The following CTNNA3 variants were observed in gnomAD, a reference collection of about 807,000 sequenced individuals.
CTNNA3 encodes the protein catenin alpha 3, also known as catenin alpha-3.
Under a neutral mutation model 95.7 loss-of-function variants are expected in CTNNA3, and 76 were observed. The ratio of observed to expected loss-of-function variants is 0.79; its 90% confidence interval spans 0.66 to 0.96. CTNNA3 has a LOEUF of 0.96. Among genes scored for constraint, CTNNA3 ranks in the 40% least tolerant of loss-of-function variants. The pLI, the probability that CTNNA3 is intolerant of heterozygous loss-of-function variation, is 0.00. For missense variants in CTNNA3, 1,191 were observed against 1,089.8 expected, an observed-to-expected ratio of 1.09 and a Z score of -1.31; for synonymous variants, 431 against 374.4, an observed-to-expected ratio of 1.15 and a Z score of -1.74.
At chr10:67,598,744 G>A (rs1473340781) in intron 3 of CTNNA3, among the ~76,000 whole-genome samples, 3 of 152,128 alleles carry the variant, frequency 2.0e-5, no homozygotes, top group Non-Finnish European at 2.9e-5. Context: ...GCATAGGGCA[G>A]TTAGAACTCA....
intron 17 of CTNNA3, among the ~76,000 whole-genome samples, chr10:65,948,390 TAGAA>T (rs2077557798): frequency 6.6e-6 from 1 of 151,576 alleles, no homozygotes; most frequent in African/African-American, 2.4e-5. Flanking sequence ...AATATATACA[TAGAA>T]AGAGTATAGA....
chr10:67,265,313 T>A (rs761827463), intron 5 of CTNNA3, among the ~76,000 whole-genome samples: 4 of 152,168 alleles, frequency 2.6e-5, no homozygotes, highest in Admixed American at 6.5e-5. Context: ...TTGATTATAC[T>A]TTTTTTATAT....
At chr10:67,709,828 A>T (rs1841097127) in intron 1 of CTNNA3, among the ~76,000 whole-genome samples, 1 of 152,130 alleles carries the variant, frequency 6.6e-6, no homozygotes, top group African/African-American at 2.4e-5. Flanking sequence ...CTGTATTGAG[A>T]GTTGAGCACA....
intron 13 of CTNNA3, among the ~76,000 whole-genome samples, chr10:66,279,492 G>A (rs748616411): frequency 2.6e-5 from 4 of 152,006 alleles, no homozygotes; most frequent in South Asian, 4.2e-4. Flanking sequence ...TGAGGTTCAG[G>A]TGACACCTCT....
Position 65,996,613 on chromosome 10 carries a change from G to A in CTNNA3, c.2160-7816C>T, listed in dbSNP as rs560261241. 1.4e-4 allele frequency among the ~76,000 whole-genome samples: 21 copies of A among 152,252 alleles called. No homozygotes were observed. In the East Asian group the frequency reaches 4.1e-3, roughly 29 times the overall value. On this transcript the variant is annotated intron_variant, in intron 15 of 17. Coordinates refer to ENST00000433211, the MANE Select transcript of CTNNA3 (RefSeq NM_013266.4). ...CCAGCATAAGCTACCTATCTGGAGCGACGCCATTACACACTATCCAGGCTG... is the reference window on the plus strand; with the variant it reads ...CCAGCATAAGCTACCTATCTGGAGCAACGCCATTACACACTATCCAGGCTG...
In CTNNA3 at chr10:66,626,353, A is replaced by G. The variant is rs1844934058; in HGVS notation, c.1282-4569T>C. On this transcript the variant is annotated intron_variant, in intron 9 of 17. Transcript: ENST00000433211. ...CTGAGATTTTCATTGTCACACATTC[A>G]TTGTTTATATATTGTTCATATAGTT... 2.0e-5 allele frequency among the ~76,000 whole-genome samples: 3 copies of G among 148,602 alleles called. No homozygotes were observed. In the South Asian group the frequency reaches 6.7e-4, roughly 33 times the overall value.
At chr10:66,132,800 C>CA (rs1231448249) in intron 13 of CTNNA3, among the ~76,000 whole-genome samples, 2 of 151,952 alleles carry the variant, frequency 1.3e-5, no homozygotes, top group Non-Finnish European at 2.9e-5. Context: ...ATGCAGGAAC[C>CA]AAAAACCAAA....
At chr10:67,130,612 TG>T (rs1859949309) in intron 7 of CTNNA3, among the ~76,000 whole-genome samples, 1 of 152,130 alleles carries the variant, frequency 6.6e-6, no homozygotes, top group African/African-American at 2.4e-5. Flanking sequence ...CCTAACGATT[TG>T]TTGAAGAGAT....
At chr10:67,109,911 G>A (rs896272725) in intron 7 of CTNNA3, among the ~76,000 whole-genome samples, 17 of 152,232 alleles carry the variant, frequency 1.1e-4, no homozygotes, top group African/African-American at 3.9e-4. Context: ...GTATTAACTC[G>A]AAGAAAGTTA....
chr10:67,648,453 T>C (rs1418685986), intron 1 of CTNNA3, among the ~76,000 whole-genome samples: 1 of 152,204 alleles, frequency 6.6e-6, no homozygotes, highest in African/African-American at 2.4e-5. Context: ...TTTCTCTTAT[T>C]GAAAATAACC....
intron 14 of CTNNA3, among the ~76,000 whole-genome samples, chr10:66,084,357 C>T (rs2080896927): frequency 6.6e-6 from 1 of 151,760 alleles, no homozygotes; most frequent in Non-Finnish European, 1.5e-5. Flanking sequence ...TCCATAAATA[C>T]ATACACCTAT....
intron 9 of CTNNA3, among the ~76,000 whole-genome samples, chr10:66,760,960 T>C (rs1839577227): frequency 6.6e-6 from 1 of 152,154 alleles, no homozygotes; most frequent in Non-Finnish European, 1.5e-5. Context: ...GTGTTAAGTA[T>C]GGGTTTGTTC....
chr10:65,983,145 A>G (rs966616734), intron 16 of CTNNA3, among the ~76,000 whole-genome samples: 4 of 151,672 alleles, frequency 2.6e-5, no homozygotes, highest in African/African-American at 9.7e-5. Context: ...ATTTAACACT[A>G]AAAGTTCGTT....
intron 10 of CTNNA3, among the ~76,000 whole-genome samples, chr10:66,597,532 A>ATATG (rs1331590209): frequency 7.9e-6 from 1 of 126,124 alleles, no homozygotes; most frequent in Non-Finnish European, 1.7e-5. Context: ...ATATATATAT[A>ATATG]TATATATATA....
At chr10:66,214,315 A>G (rs2088370538) in intron 13 of CTNNA3, among the ~76,000 whole-genome samples, 1 of 152,220 alleles carries the variant, frequency 6.6e-6, no homozygotes, top group African/African-American at 2.4e-5. Flanking sequence ...GCAGAGGGTT[A>G]CATCTCCACC....
chr10:65,969,830 C>A (rs1429251308), intron 16 of CTNNA3, among the ~76,000 whole-genome samples: 2 of 151,962 alleles, frequency 1.3e-5, no homozygotes, highest in African/African-American at 4.8e-5. Flanking sequence ...AAAAAGATAA[C>A]AACCTAGAAA....
rs1184812625 is a variant in CTNNA3, at chr10:66,400,984, T to TGAAAAGACC, written c.1532-21641_1532-21633dup. 2.6e-5 allele frequency among the ~76,000 whole-genome samples: 4 copies of TGAAAAGACC among 152,080 alleles called. No individual in the cohort carries two copies. The East Asian group carries it at 7.7e-4, about 29-fold the overall frequency. On this transcript the variant is annotated intron_variant, in intron 11 of 17. Transcript: ENST00000433211. ...TGGAAAATGGGGACTATGATCATTC[T>TGAAAAGACC]GAAAAGACCACAGGTATGTCATAAT...
chr10:66,870,776 AT>A (rs1167013558), intron 7 of CTNNA3, among the ~76,000 whole-genome samples: 7 of 152,038 alleles, frequency 4.6e-5, no homozygotes, highest in African/African-American at 1.5e-4. Context: ...TGCAGTTCAA[AT>A]TTTTTCCTTT....
At chr10:67,496,532 C>G (rs915172995) in intron 5 of CTNNA3, among the ~76,000 whole-genome samples, 10 of 152,130 alleles carry the variant, frequency 6.6e-5, no homozygotes, top group African/African-American at 2.4e-4. Flanking sequence ...GTTGTCTACT[C>G]CAGCACTGGC....
Sources: allele counts gnomAD v4.1 joint callset (sites outside exome capture counted in the v4.1 genomes callset), GRCh38; gene constraint gnomAD v4.1.1; transcripts MANE v1.5; gene names NCBI Gene and HGNC (gene_info 2026-07-23, HGNC 2026-07-21).